Variants in SMAD4 observed in about 807,000 individuals in gnomAD.
The protein encoded by SMAD4 is SMAD family member 4, also known as MAD homolog 4.
In SMAD4, 7 loss-of-function variants were observed where a neutral mutation model predicts 63.2. That is an observed-to-expected ratio of 0.11 (90% confidence interval 0.06 to 0.21). The LOEUF (loss-of-function observed/expected upper bound fraction) is 0.21, where lower values mean the gene tolerates loss of function less well. SMAD4 is among the 10% of genes least tolerant of loss of function. The probability of loss-of-function intolerance (pLI) is 1.00; values close to 1 mark genes in which losing one functional copy is unlikely to be tolerated. For synonymous variants in SMAD4, 215 were observed against 235.4 expected, an observed-to-expected ratio of 0.91 and a Z score of 0.79; for missense variants, 312 against 693.8, an observed-to-expected ratio of 0.45 and a Z score of 6.18.
intron 1 of SMAD4, among the ~76,000 whole-genome samples, chr18:51,039,483 C>A (rs1320810220): frequency 8.1e-6 from 1 of 124,010 alleles, no homozygotes; most frequent in African/African-American, 3.2e-5. Flanking sequence ...GGGCCTTCCC[C>A]CCCCCACCCC....
intron 8 of SMAD4, among the ~76,000 whole-genome samples, chr18:51,060,732 C>G (rs1003502018): frequency 9.9e-5 from 15 of 152,224 alleles, no homozygotes; most frequent in African/African-American, 3.4e-4. Flanking sequence ...CTCCTAGTCT[C>G]AAGCGATCCT....
chr18:51,040,840 C>T (rs1437495651), intron 1 of SMAD4, among the ~76,000 whole-genome samples: 1 of 152,212 alleles, frequency 6.6e-6, no homozygotes, highest in Admixed American at 6.5e-5. Flanking sequence ...CATCTAATAC[C>T]TGTATATGTT....
In SMAD4 at chr18:51,084,116, ACACT is replaced by A. The variant is rs1375437193; in HGVS notation, c.*5651_*5654del. The A allele has an allele frequency of 8.2e-5, 19 of 231,792 alleles. No homozygotes were observed. The highest frequency in any genetic ancestry group is 1.1e-4 in the Non-Finnish European group (13 of 117,320). 14.4% of individuals were successfully genotyped at this position (231,792 alleles called of 1,614,324 possible). A position where few individuals can be genotyped will look rare whatever the true frequency, so the allele number is the denominator to read the frequency against. On this transcript the variant is annotated 3_prime_UTR_variant, in exon 12 of 12. Transcript: ENST00000342988. ...TGCGTGCACACACACACGCACGCAC[ACACT>A]CTGGTCAGAGTTTATTAAGGCTTTC...
At chr18:51,046,153 A>G (rs933361162) in intron 1 of SMAD4, among the ~76,000 whole-genome samples, 7 of 152,110 alleles carry the variant, frequency 4.6e-5, no homozygotes, top group African/African-American at 9.7e-5. Context: ...GCTGGGTCAT[A>G]TTTACTCTGT....
Position 51,038,582 on chromosome 18 carries a change from T to C in SMAD4, c.-128+7959T>C, listed in dbSNP as rs561712750. Among the ~76,000 whole-genome samples the C allele has an allele frequency of 2.0e-5, 3 of 152,330 alleles. No homozygotes were observed. The East Asian group carries it at 5.8e-4, about 29-fold the overall frequency. Reference sequence around the variant, plus strand: ...GTCCATGTGAGACACGTTTTCTTCATGTACTTTAAACAAAACAACATATCA... The same window carrying C: ...GTCCATGTGAGACACGTTTTCTTCACGTACTTTAAACAAAACAACATATCA... On this transcript the variant is annotated intron_variant, in intron 1 of 11. Coordinates refer to ENST00000342988, the MANE Select transcript of SMAD4 (RefSeq NM_005359.6).
At chr18:51,038,851 A>AT (rs1909288026) in intron 1 of SMAD4, among the ~76,000 whole-genome samples, 1 of 152,260 alleles carries the variant, frequency 6.6e-6, no homozygotes, top group African/African-American at 2.4e-5. Flanking sequence ...ATATCAATGT[A>AT]TATAGCCCGC....
At chr18:51,037,784 T>C (rs1909247359) in intron 1 of SMAD4, among the ~76,000 whole-genome samples, 1 of 152,084 alleles carries the variant, frequency 6.6e-6, no homozygotes, top group Admixed American at 6.5e-5. Flanking sequence ...CAGATAGCTA[T>C]TTAGATTTGA....
intron 5 of SMAD4, among the ~76,000 whole-genome samples, chr18:51,055,530 T>TAA (rs11419287): frequency 4.5e-4 from 66 of 148,220 alleles, no homozygotes; most frequent in African/African-American, 1.4e-3. Context: ...TATGTGTAAT[T>TAA]AAAAAAAAAA....
chr18:51,065,331 CT>C, intron 8 of SMAD4, 91 bp from the exon 9 acceptor site: 1 of 1,066,138 alleles, frequency 9.4e-7, no homozygotes, highest in Non-Finnish European at 1.5e-6. Flanking sequence ...TCCCTTTACC[CT>C]TTCTTTTAGG....
intron 1 of SMAD4, among the ~76,000 whole-genome samples, chr18:51,038,871 A>C (rs992027272): frequency 6.6e-6 from 1 of 152,202 alleles, no homozygotes; most frequent in African/African-American, 2.4e-5. Flanking sequence ...CATAAAAGCT[A>C]TTTGGTGTCT....
intron 1 of SMAD4, among the ~76,000 whole-genome samples, chr18:51,035,110 G>C (rs1328516667): frequency 6.6e-6 from 1 of 152,156 alleles, no homozygotes; most frequent in Non-Finnish European, 1.5e-5. Flanking sequence ...TCTTTTGAAA[G>C]TATTGCCACA....
chr18:51,077,689 T>C (rs1200451705), intron 11 of SMAD4, among the ~76,000 whole-genome samples: 3 of 152,238 alleles, frequency 2.0e-5, no homozygotes, highest in African/African-American at 2.4e-5. Context: ...TTCAGTGTTA[T>C]AAACATGCTT....
chr18:51,032,137 G>C (rs1239101327), intron 1 of SMAD4, among the ~76,000 whole-genome samples: 1 of 152,156 alleles, frequency 6.6e-6, no homozygotes, highest in African/African-American at 2.4e-5. Flanking sequence ...GAATTATGTA[G>C]GTTTAAGTTG....
In SMAD4 at chr18:51,040,379, G is replaced by A. The variant is rs181675557; in HGVS notation, c.-127-6541G>A. Among the ~76,000 whole-genome samples, 1,491 of 150,498 alleles carry A rather than the reference G, an allele frequency of 9.9e-3. 21 individuals carry two copies. The highest frequency in any genetic ancestry group is 0.015 in the Non-Finnish European group (988 of 67,836). On this transcript the variant is annotated intron_variant, in intron 1 of 11. Transcript: ENST00000342988. Reference sequence around the variant, plus strand: ...GCAGAAGTGGCAGTGAGCCAAGATGGCACCACTGCACTCCAGCCTGGGCCA... The same window carrying A: ...GCAGAAGTGGCAGTGAGCCAAGATGACACCACTGCACTCCAGCCTGGGCCA...
chr18:51,062,149 GAT>G (rs1473757638), intron 8 of SMAD4, among the ~76,000 whole-genome samples: 2 of 152,112 alleles, frequency 1.3e-5, no homozygotes, highest in South Asian at 4.1e-4. Context: ...TTCTTTTAAC[GAT>G]ATATATTTAT....
chr18:51,038,446 C>T (rs1263822590), intron 1 of SMAD4, among the ~76,000 whole-genome samples: 2 of 152,228 alleles, frequency 1.3e-5, no homozygotes, highest in Non-Finnish European at 2.9e-5. Flanking sequence ...GTGAATTCCA[C>T]ATTGCAACTA....
intron 1 of SMAD4, among the ~76,000 whole-genome samples, chr18:51,039,042 G>C (rs1909294509): frequency 1.3e-5 from 2 of 152,144 alleles, no homozygotes; most frequent in Admixed American, 6.5e-5. Flanking sequence ...GGGAGGCGGA[G>C]GTTGCAGAGA....
At chr18:51,050,356 A>C (rs1465350169) in intron 4 of SMAD4, among the ~76,000 whole-genome samples, 7 of 137,988 alleles carry the variant, frequency 5.1e-5, no homozygotes, top group Admixed American at 2.1e-4. Context: ...AAACTGTCTC[A>C]AAAAAAAAAA....
chr18:51,034,047 A>G (rs1909128290), intron 1 of SMAD4, among the ~76,000 whole-genome samples: 1 of 152,226 alleles, frequency 6.6e-6, no homozygotes, highest in African/African-American at 2.4e-5. Flanking sequence ...TGGCGGTAAC[A>G]GTAAAGACCG....
Sources: gnomAD v4.1 joint callset for allele counts (sites outside exome capture counted in the v4.1 genomes callset) on GRCh38, gnomAD v4.1.1 for gene constraint, MANE v1.5 for transcripts, NCBI Gene and HGNC (gene_info 2026-07-23, HGNC 2026-07-21) for gene names.